MYO6: variants seen among roughly 807,000 people sequenced by gnomAD.
MYO6 encodes unconventional myosin-VI.
A neutral mutation model predicts 178.7 loss-of-function variants in MYO6; 74 were observed. That is an observed-to-expected ratio of 0.41 (90% CI 0.34 to 0.50). The LOEUF (loss-of-function observed/expected upper bound fraction) is 0.50. MYO6 is among the 20% of genes least tolerant of loss of function. The pLI is 0.09. For missense variants in MYO6, 1,330 were observed against 1,547.4 expected (o/e 0.86, Z 2.36); for synonymous variants, 477 against 504.6 (o/e 0.95, Z 0.73).
intron 1 of MYO6, among the ~76,000 whole-genome samples, chr6:75,776,058 G>A (rs1386765404): frequency 6.6e-6 from 1 of 152,134 alleles, no homozygotes; most frequent in East Asian, 1.9e-4. Context: ...CCATTTCTAG[G>A]ACTACTTTAT....
At chr6:75,829,771 A>G (rs187343670) in intron 4 of MYO6, among the ~76,000 whole-genome samples, 1 of 152,268 alleles carries the variant, frequency 6.6e-6, no homozygotes, top group East Asian at 1.9e-4. Context: ...CTAAATTCCA[A>G]AATTAAAAGC....
At chr6:75,861,913 G>A (rs9352244) in intron 15 of MYO6, among the ~76,000 whole-genome samples, 19,532 of 151,934 alleles carry the variant, frequency 0.13, 1,327 homozygotes, top group Non-Finnish European at 0.15. Flanking sequence ...TTGTCTTTCA[G>A]CCCACTTTCA....
chr6:75,837,101 T>G (rs991624756), intron 7 of MYO6, among the ~76,000 whole-genome samples: 4 of 152,204 alleles, frequency 2.6e-5, no homozygotes, highest in Non-Finnish European at 5.9e-5. Flanking sequence ...TGAACACTTT[T>G]TCTCCTTCTC....
At chr6:75,893,675 A>G (rs1779080054) in intron 28 of MYO6, among the ~76,000 whole-genome samples, 1 of 152,210 alleles carries the variant, frequency 6.6e-6, no homozygotes, top group Non-Finnish European at 1.5e-5. Flanking sequence ...AAACTGCAAT[A>G]ACTTTTGCAC....
At chr6:75,817,198 G>T (rs1191991798) in intron 1 of MYO6, among the ~76,000 whole-genome samples, 1 of 151,896 alleles carries the variant, frequency 6.6e-6, no homozygotes, top group Admixed American at 6.6e-5. Context: ...CCAGCTACTC[G>T]GGAGGCTGAG....
chr6:75,861,915 C>T (rs1776243452), intron 15 of MYO6, among the ~76,000 whole-genome samples: 1 of 152,078 alleles, frequency 6.6e-6, no homozygotes, highest in South Asian at 2.1e-4. Flanking sequence ...GTCTTTCAGC[C>T]CACTTTCACC....
chr6:75,823,807 A>T (rs530174133), intron 3 of MYO6, among the ~76,000 whole-genome samples: 5 of 152,206 alleles, frequency 3.3e-5, no homozygotes, highest in Non-Finnish European at 7.3e-5. Flanking sequence ...TCTCTTCTGA[A>T]ATTCTCATCT....
At chr6:75,767,273 A>G (rs1294924671) in intron 1 of MYO6, among the ~76,000 whole-genome samples, 1 of 151,994 alleles carries the variant, frequency 6.6e-6, no homozygotes, top group African/African-American at 2.4e-5. Flanking sequence ...TGATCTGCCC[A>G]TCTTGGCCTC....
intron 1 of MYO6, among the ~76,000 whole-genome samples, chr6:75,755,176 T>TGA (rs1201231619): frequency 6.6e-6 from 1 of 152,218 alleles, no homozygotes; most frequent in African/African-American, 2.4e-5. Context: ...AAGGCTGCAG[T>TGA]GAGCTGTGAT....
intron 34 of MYO6, 124 bp downstream of exon 34, chr6:75,914,405 C>T (rs531876857): frequency 1.7e-5 from 17 of 988,722 alleles, no homozygotes; most frequent in Middle Eastern, 3.0e-4. Flanking sequence ...TGGAGTCTTG[C>T]GGTTAAATCA....
intron 4 of MYO6, 129 bp downstream of exon 4, chr6:75,828,742 G>A: frequency 1.5e-6 from 1 of 678,158 alleles, no homozygotes. Flanking sequence ...AATAGAGTGT[G>A]AGGTTAGTGA....
chr6:75,866,968 A>C lies in MYO6; in HGVS notation c.1807A>C (p.Met603Leu), dbSNP rs746386217. Residue 603 changes from methionine (M) to leucine (L), a missense_variant, in exon 18 of 35, where the codon ATG becomes CTG. Physicochemically the swap from Met to Leu is conservative, Grantham distance 15. This residue lies in a region of MYO6 where 613 missense variants were observed against 816.8 expected (regional missense o/e 0.75). Coordinates refer to ENST00000369977, the MANE Select transcript of MYO6 (RefSeq NM_004999.4). The stretch of plus-strand genomic sequence containing the variant: ...GGAGAAAAATAATGATGCTTTACAT[A>C]TGTCTCTTGAATCCTTAATATGTGA... Reference protein sequence around the residue: ...FVEKNNDALHMSLESLICESR... With the variant: ...FVEKNNDALHLSLESLICESR... 1 of 1,613,840 alleles carries C rather than the reference A, an allele frequency of 6.2e-7. No homozygotes were observed. Among genetic ancestry groups the C allele is most frequent in the Non-Finnish European group, 8.5e-7 (1 of 1,179,874 alleles).
rs759910571 is a variant in MYO6, at chr6:75,817,304, C to CA, written c.-47-179dup. Among the ~76,000 whole-genome samples the CA allele has an allele frequency of 0.05, 3,142 of 62,806 alleles. 154 individuals are homozygous for CA. Among genetic ancestry groups the CA allele is most frequent in the African/African-American group, 0.15 (2,857 of 19,206 alleles). 41.2% of individuals were successfully genotyped at this position (62,806 alleles called of 152,430 possible). ...TGGGTGAGAGAGTGAGATTCCGTCT[C>CA]AAAAAAAAAAAAAAAAAAGTAGATA... On this transcript the variant is annotated intron_variant, in intron 1 of 34. Transcript: ENST00000369977.
Position 75,841,309 on chromosome 6 carries a change from T to C in MYO6, c.747T>C (p.Tyr249=). The change falls in exon 9 of 35, where the codon TAT becomes TAC. Residue 249 remains tyrosine, a synonymous_variant. Coordinates refer to ENST00000369977, the MANE Select transcript of MYO6 (RefSeq NM_004999.4). ...AGGAAAGAAATTATCATATCTTTTA[T>C]AGGTTGTGTGCTGGTGCTTCTGAAG... ...GKEERNYHIF[Y]RLCAGASEDI... is the part of the protein sequence containing the mutation. 1 of 1,614,056 alleles carries C rather than the reference T, an allele frequency of 6.2e-7. No individual in the cohort carries two copies. The highest frequency in any genetic ancestry group is 1.3e-5 in the African/African-American group (1 of 75,052).
intron 1 of MYO6, among the ~76,000 whole-genome samples, chr6:75,787,718 C>CTA (rs1767764340): frequency 7.2e-5 from 3 of 41,830 alleles, no homozygotes; most frequent in African/African-American, 1.0e-4. Flanking sequence ...CTCTCTCTCT[C>CTA]TCTCTCTCTC....
In MYO6 at chr6:75,822,910, A is replaced by C. The variant is rs981108246; in HGVS notation, c.187+59A>C. 8 of 1,346,522 alleles carry C rather than the reference A, an allele frequency of 5.9e-6. No homozygotes were observed. The Admixed American group carries it at 1.3e-4, about 23-fold the overall frequency. The allele number at this position is 1,346,522 out of a possible 1,614,324, so 83.4% of individuals were successfully genotyped here. ...AGAAAAGGAGACTGTTCTTTTAAAA[A>C]AATAAATTAGTGGTTATATAACTGA... On this transcript the variant is annotated intron_variant, in intron 3 of 34. Transcript: ENST00000369977.
At chr6:75,750,737 G>C (rs1776814450) in intron 1 of MYO6, among the ~76,000 whole-genome samples, 1 of 151,594 alleles carries the variant, frequency 6.6e-6, no homozygotes, top group Non-Finnish European at 1.5e-5. Flanking sequence ...GCGCGCCACT[G>C]CCCAGCTAAT....
At chr6:75,766,464 A>G (rs1203261693) in intron 1 of MYO6, among the ~76,000 whole-genome samples, 1 of 152,148 alleles carries the variant, frequency 6.6e-6, no homozygotes, top group East Asian at 1.9e-4. Flanking sequence ...AAGTTATTAA[A>G]TTATTAATTA....
In MYO6 at chr6:75,901,649, A is replaced by G. The variant is rs796253715; in HGVS notation, c.3176+3238A>G. ...GCTGAGACAATGGGGTTTTCTAGAT[A>G]TACAATCATGTCGTCTGCAAACAGG... On this transcript the variant is annotated intron_variant, in intron 30 of 34. Coordinates refer to ENST00000369977, the MANE Select transcript of MYO6 (RefSeq NM_004999.4). Among the ~76,000 whole-genome samples, 3 of 152,166 alleles carry G rather than the reference A, an allele frequency of 2.0e-5. No homozygotes were observed. The South Asian group carries it at 6.2e-4, about 32-fold the overall frequency.
Sources: gnomAD v4.1 joint callset for allele counts (sites outside exome capture counted in the v4.1 genomes callset) on GRCh38, gnomAD v4.1.1 for gene constraint, gnomAD v4.1.1 regional missense constraint, MANE v1.5 for transcripts, NCBI Gene and HGNC (gene_info 2026-07-23, HGNC 2026-07-21) for gene names.